The following SECISBP2 variants were observed in gnomAD, a reference collection of about 807,000 sequenced individuals.
SECISBP2 encodes the protein selenocysteine insertion sequence-binding protein 2.
In SECISBP2, 96 loss-of-function variants were observed where a neutral mutation model predicts 98.2. That is an observed-to-expected ratio of 0.98 (90% CI 0.83 to 1.16). The LOEUF is 1.16. Among genes scored for constraint, SECISBP2 ranks in the 50% most tolerant of loss-of-function variants. SECISBP2 has a pLI of 0.00. For missense variants in SECISBP2, 1,046 were observed against 1,022.9 expected (o/e 1.02, Z -0.31); for synonymous variants, 407 against 370.2 (o/e 1.10, Z -1.14).
chr9:89,355,132 T>C (rs765275015), intron 14 of SECISBP2: 160 of 985,330 alleles, frequency 1.6e-4, no homozygotes, highest in Non-Finnish European at 1.9e-4. Context: ...GAGTTCCCAG[T>C]TTCCACAGTA....
At chr9:89,320,111 C>A (rs1587832873) in intron 2 of SECISBP2, among the ~76,000 whole-genome samples, 1 of 152,134 alleles carries the variant, frequency 6.6e-6, no homozygotes, top group Non-Finnish European at 1.5e-5. Flanking sequence ...AATCCCAGCA[C>A]TTTGGGAGGC....
rs768160075 is a variant in SECISBP2, at chr9:89,319,795, A to G, written c.180A>G (p.Thr60=). 1 of 1,614,040 alleles carries G rather than the reference A, an allele frequency of 6.2e-7. No homozygotes were observed. The highest frequency in any genetic ancestry group is 1.1e-5 in the South Asian group (1 of 91,080). The change falls in exon 2 of 17, where the codon ACA becomes ACG. Residue 60 remains threonine (T), a splice_region_variant and synonymous_variant. Transcript: ENST00000375807. ...CGTTTGTTCAGGAACCACCAGTGAC[A>G]GAGTATGTATCTTTCTAAAAGTCTT... The part of the protein sequence containing the change: ...YYPFVQEPPV[T]EQKIYTEDMA...
Position 89,332,989 on chromosome 9 carries a change from A to T in SECISBP2, c.880+3A>T. On this transcript the variant is annotated splice_donor_region_variant and intron_variant, in intron 6 of 16. Coordinates refer to ENST00000375807, the MANE Select transcript of SECISBP2 (RefSeq NM_024077.5). Reference sequence around the variant, plus strand: ...CAATTCTCCTTCATGTACAAGAGGTAAAAGTGGCTGCAAAAATGTTAATTT... The same window carrying T: ...CAATTCTCCTTCATGTACAAGAGGTTAAAGTGGCTGCAAAAATGTTAATTT... The T allele has an allele frequency of 6.2e-7, 1 of 1,611,926 alleles. No individual in the cohort carries two copies. The highest frequency in any genetic ancestry group is 8.5e-7 in the Non-Finnish European group (1 of 1,178,318).
the SECISBP2 span, chr9:89,364,789 GCAGAGAC>G: frequency 3.3e-5 from 5 of 152,322 alleles, no homozygotes. Context: ...GGTGGGCGAG[GCAGAGAC>G]GTTCCCCTGT....
intron 14 of SECISBP2, 159 bp from the exon 15 acceptor site, chr9:89,357,252 A>T: frequency 1.3e-6 from 1 of 764,754 alleles, no homozygotes; most frequent in East Asian, 2.5e-5. Context: ...TGGAGAGTTG[A>T]TTCTGCAACT....
downstream of SECISBP2, chr9:89,364,077 A>G (rs988554766): frequency 5.3e-5 from 84 of 1,574,568 alleles, no homozygotes; most frequent in South Asian, 3.4e-4. Context: ...ACAACTTCCA[A>G]TTCAGTCCCT....
intron 5 of SECISBP2, among the ~76,000 whole-genome samples, chr9:89,330,654 C>G (rs1235648680): frequency 6.6e-6 from 1 of 152,226 alleles, no homozygotes; most frequent in Non-Finnish European, 1.5e-5. Context: ...ATGGTGCTTT[C>G]CTGTCAAAGA....
intron 2 of SECISBP2, chr9:89,322,668 G>T (rs929013754): frequency 1.3e-5 from 2 of 152,208 alleles, no homozygotes; most frequent in African/African-American, 4.8e-5. Context: ...AGTTAAAGCA[G>T]ATCAGCTATG....
Position 89,348,859 on chromosome 9 carries a change from G to A in SECISBP2, c.1738+645G>A, listed in dbSNP as rs114009275. ...GCCTTGCTGGCAACATGGAGATGCC[G>A]TTTATTTTCATTACTGTGTAAAATT... is the stretch of plus-strand genomic sequence containing the variant. On this transcript the variant is annotated intron_variant, in intron 12 of 16. Coordinates refer to ENST00000375807, the MANE Select transcript of SECISBP2 (RefSeq NM_024077.5). 9.1e-3 allele frequency among the ~76,000 whole-genome samples: 1,380 copies of A among 152,360 alleles called. 16 individuals are homozygous for A. Among genetic ancestry groups the A allele is most frequent in the African/African-American group, 0.032 (1,317 of 41,576 alleles).
chr9:89,362,455 C>A, downstream of SECISBP2: 3 of 1,613,990 alleles, frequency 1.9e-6, no homozygotes, highest in Non-Finnish European at 2.5e-6. Context: ...GTCTTTGAAT[C>A]CTTGGTGGAA....
downstream of SECISBP2, chr9:89,363,592 C>G (rs145449894): frequency 6.6e-4 from 1,053 of 1,604,530 alleles, 7 homozygotes; most frequent in African/African-American, 0.012. Flanking sequence ...TTGATGCCCA[C>G]TGGCCACCTT....
rs921746973 is a variant in SECISBP2, at chr9:89,335,597, C to T, written c.1089+867C>T. Among the ~76,000 whole-genome samples, 10 of 152,174 alleles carry T rather than the reference C, an allele frequency of 6.6e-5. No individual in the cohort carries two copies. The South Asian group carries it at 8.3e-4, about 13-fold the overall frequency. ...CCATCCACCTCGGCCTCCCAAAGTG[C>T]TGGGATTACTGGCGTGAGCCACCGT... On this transcript the variant is annotated intron_variant, in intron 7 of 16. Coordinates refer to ENST00000375807, the MANE Select transcript of SECISBP2 (RefSeq NM_024077.5).
downstream of SECISBP2, chr9:89,364,374 G>A (rs1833246646): frequency 3.6e-6 from 1 of 279,412 alleles, no homozygotes; most frequent in Admixed American, 4.5e-5. Flanking sequence ...GCCACAGCAT[G>A]GAGAGGCCCA....
chr9:89,349,916 C>T lies in SECISBP2; in HGVS notation c.1879C>T (p.Arg627Cys), dbSNP rs777059078. Reference protein sequence around the residue: ...NHTTFPKIHSRRFRDYCSQML... With the variant: ...NHTTFPKIHSCRFRDYCSQML... Reference sequence around the variant, plus strand: ...CACCACCTTCCCTAAGATCCACAGCCGCAGATTCAGGGAGTGAGTGAGCCC... The same window carrying T: ...CACCACCTTCCCTAAGATCCACAGCTGCAGATTCAGGGAGTGAGTGAGCCC... The change falls in exon 13 of 17, where the codon CGC (arginine) becomes TGC (cysteine). Residue 627 changes from arginine (R) to cysteine (C), a missense_variant. By Grantham distance (180) the Arg-to-Cys change is radical. Coordinates refer to ENST00000375807, the MANE Select transcript of SECISBP2 (RefSeq NM_024077.5). 9 of 1,614,050 alleles carry T rather than the reference C, an allele frequency of 5.6e-6. No individual in the cohort carries two copies. Among genetic ancestry groups the T allele is most frequent in the Middle Eastern group, 1.6e-4 (1 of 6,084 alleles).
At chr9:89,354,519 TGGG>T (rs1831768453) in intron 14 of SECISBP2, among the ~76,000 whole-genome samples, 1 of 152,154 alleles carries the variant, frequency 6.6e-6, no homozygotes, top group African/African-American at 2.4e-5. Flanking sequence ...AGGGTTCTGT[TGGG>T]GGCCGGTCAC....
chr9:89,323,077 G>C (rs1446216903), intron 2 of SECISBP2: 4 of 152,182 alleles, frequency 2.6e-5, no homozygotes, highest in African/African-American at 4.8e-5. Flanking sequence ...TGTCCGTACA[G>C]GTTTTGGTGG....
chr9:89,325,602 C>G lies in SECISBP2; in HGVS notation c.358C>G (p.Arg120Gly). ...TCTTTATAACCAACCCAGTTGTTAC[C>G]GAGGTTTTCAAACAGTGAAGCATCG... Reference protein sequence around the residue: ...QYLYNQPSCYRGFQTVKHRNE... With the variant: ...QYLYNQPSCYGGFQTVKHRNE... The change falls in exon 3 of 17, where the codon CGA becomes GGA. Residue 120 changes from arginine (R) to glycine (G), a missense_variant. Coordinates refer to ENST00000375807, the MANE Select transcript of SECISBP2 (RefSeq NM_024077.5). 3.7e-6 allele frequency: 6 copies of G among 1,614,072 alleles called. No homozygotes were observed. Among genetic ancestry groups the G allele is most frequent in the Non-Finnish European group, 5.1e-6 (6 of 1,180,010 alleles).
At chr9:89,319,886 T>A in intron 2 of SECISBP2, 89 bp downstream of exon 2, 1 of 1,340,486 alleles carries the variant, frequency 7.5e-7, no homozygotes, top group Non-Finnish European at 1.1e-6. Flanking sequence ...GTTACTGCAC[T>A]AAAGTTCTGC....
chr9:89,346,119 T>C (rs79500233), intron 10 of SECISBP2, among the ~76,000 whole-genome samples: 10,004 of 152,272 alleles, frequency 0.066, 460 homozygotes, highest in Middle Eastern at 0.12. Context: ...AGCTGGACGA[T>C]GGACACAGGG....
Sources: allele counts gnomAD v4.1 joint callset (sites outside exome capture counted in the v4.1 genomes callset), GRCh38; gene constraint gnomAD v4.1.1; transcripts MANE v1.5; gene names NCBI Gene and HGNC (gene_info 2026-07-23, HGNC 2026-07-21).